Variants in EIF3J observed in about 807,000 individuals in gnomAD.
EIF3J encodes the protein eukaryotic translation initiation factor 3, subunit 1 (alpha, 35kD).
A neutral mutation model predicts 39.0 loss-of-function variants in EIF3J; 15 were observed. The observed-to-expected ratio is 0.38, with a 90% confidence interval of 0.26 to 0.59. The LOEUF is 0.59. Among genes scored for constraint, EIF3J ranks in the 20% least tolerant of loss-of-function variants. The pLI, the probability that EIF3J is intolerant of heterozygous loss-of-function variation, is 0.60. For missense variants in EIF3J, 226 were observed against 308.6 expected (o/e 0.73, Z 2.00); for synonymous variants, 98 against 112.9 (o/e 0.87, Z 0.84).
chr15:44,553,113 G>A (rs2082114125), intron 4 of EIF3J, among the ~76,000 whole-genome samples: 1 of 151,498 alleles, frequency 6.6e-6, no homozygotes, highest in Admixed American at 6.6e-5. Context: ...TTGAGCCCAG[G>A]AAGTTGAGGC....
chr15:44,544,703 T>TAAAAAAAAAA (rs34101594), intron 2 of EIF3J, among the ~76,000 whole-genome samples: 1 of 85,430 alleles, frequency 1.2e-5, no homozygotes, highest in African/African-American at 5.0e-5. Context: ...AAACTCCATT[T>TAAAAAAAAAA]AAAAAAAAAA....
intron 2 of EIF3J, among the ~76,000 whole-genome samples, chr15:44,550,466 ATT>A (rs1013969411): frequency 2.1e-5 from 3 of 142,702 alleles, no homozygotes; most frequent in Non-Finnish European, 1.5e-5. Flanking sequence ...TAATTTTTTA[ATT>A]TTTTTTTTTT....
chr15:44,553,733 A>G (rs1390038036), intron 4 of EIF3J, among the ~76,000 whole-genome samples: 1 of 151,916 alleles, frequency 6.6e-6, no homozygotes, highest in Non-Finnish European at 1.5e-5. Context: ...TATGAATAAT[A>G]CTCTAATGTA....
chr15:44,561,386 T>TAATA lies in EIF3J; in HGVS notation c.*239_*242dup. 3.0e-6 allele frequency: 1 copy of TAATA among 333,280 alleles called. No individual in the cohort carries two copies. Among genetic ancestry groups the TAATA allele is most frequent in the Non-Finnish European group, 5.6e-6 (1 of 179,608 alleles). 20.6% of individuals were successfully genotyped at this position (333,280 alleles called of 1,614,324 possible). A position where few individuals can be genotyped will look rare whatever the true frequency, so the allele number is the denominator to read the frequency against. On this transcript the variant is annotated 3_prime_UTR_variant, in exon 8 of 8. Transcript: ENST00000261868. ...TGCTACTAAATCATAGTTCAAAACCTAATAATGTTGTCGTTGTTGCTATCT... is the reference window on the plus strand; with the variant it reads ...TGCTACTAAATCATAGTTCAAAACCTAATAAATAATGTTGTCGTTGTTGCTATCT...
Position 44,555,894 on chromosome 15 carries a change from T to C in EIF3J, c.409+1227T>C, listed in dbSNP as rs577955357. Among the ~76,000 whole-genome samples, 9 of 152,232 alleles carry C rather than the reference T, an allele frequency of 5.9e-5. No homozygotes were observed. In the East Asian group the frequency reaches 1.7e-3, roughly 29 times the overall value. On this transcript the variant is annotated intron_variant, in intron 5 of 7. Transcript: ENST00000261868. The stretch of plus-strand genomic sequence containing the variant: ...TTTTTTTTCTAACAGGGTCTGGCTC[T>C]GTCATCCAGGCTAGAGGACAGTGGC...
chr15:44,550,727 G>T, intron 2 of EIF3J, 149 bp from the exon 3 acceptor site: 1 of 573,770 alleles, frequency 1.7e-6, no homozygotes, highest in East Asian at 2.9e-5. Flanking sequence ...AGCATTATAA[G>T]ATGTCAATTC....
chr15:44,554,437 C>A, intron 4 of EIF3J, 116 bp from the exon 5 acceptor site: 6 of 332,752 alleles, frequency 1.8e-5, no homozygotes, highest in Non-Finnish European at 2.8e-5. Context: ...ACAGTAATTA[C>A]CAGTGTTCAC....
intron 7 of EIF3J, 61 bp from the exon 8 acceptor site, chr15:44,560,957 G>A (rs2082188355): frequency 1.3e-6 from 2 of 1,586,780 alleles, no homozygotes; most frequent in African/African-American, 1.3e-5. Flanking sequence ...GAGGGTTGCT[G>A]TACCAGATAA....
chr15:44,545,505 A>T (rs2082046132), intron 2 of EIF3J, among the ~76,000 whole-genome samples: 1 of 152,242 alleles, frequency 6.6e-6, no homozygotes, highest in African/African-American at 2.4e-5. Context: ...ATGCTTTTTA[A>T]AAAAGTAAAT....
chr15:44,538,000 A>G (rs1279430406), intron 2 of EIF3J, among the ~76,000 whole-genome samples: 1 of 152,186 alleles, frequency 6.6e-6, no homozygotes. Context: ...CCCTGTGGTA[A>G]AAAGAATGAA....
chr15:44,557,084 G>A (rs1216060403), intron 5 of EIF3J, among the ~76,000 whole-genome samples: 1 of 152,020 alleles, frequency 6.6e-6, no homozygotes. Flanking sequence ...CTTCCTTATC[G>A]ATGCATTAAA....
At position 44,560,999 on chromosome 15, in the gene EIF3J, A is replaced by G. The variant is rs1436472497; in HGVS notation, c.646-19A>G. The G allele has an allele frequency of 2.5e-6, 4 of 1,611,812 alleles. No individual in the cohort carries two copies. The highest frequency in any genetic ancestry group is 3.4e-6 in the Non-Finnish European group (4 of 1,179,392). The stretch of plus-strand genomic sequence containing the variant: ...CATAGCACACTAAGGTTCATGAATT[A>G]ACTCTCTTTCATCTTTAGCAAAGCA... On this transcript the variant is annotated intron_variant, in intron 7 of 7. Coordinates refer to ENST00000261868, the MANE Select transcript of EIF3J (RefSeq NM_003758.4).
chr15:44,557,636 A>G lies in EIF3J; in HGVS notation c.557A>G (p.Asp186Gly), dbSNP rs2082156544. 2 of 1,501,298 alleles carry G rather than the reference A, an allele frequency of 1.3e-6. No individual in the cohort carries two copies. Among genetic ancestry groups the G allele is most frequent in the Non-Finnish European group, 1.8e-6 (2 of 1,122,608 alleles). The allele number at this position is 1,501,298 out of a possible 1,614,324, so 93.0% of individuals were successfully genotyped here. A position where few individuals can be genotyped will look rare whatever the true frequency, so the allele number is the denominator to read the frequency against. Residue 186 changes from aspartate (D) to glycine (G), a missense_variant, in exon 6 of 8, where the codon GAT (aspartate) becomes GGT (glycine). Transcript: ENST00000261868. The stretch of plus-strand genomic sequence containing the variant: ...AGTTTTTTGGAAGTCTTAGTTCGAG[A>G]TGTGTGTATTTCATGTAAGTAATTC... Reference protein sequence around the residue: ...YASFLEVLVRDVCISLEIDDL... With the variant: ...YASFLEVLVRGVCISLEIDDL...
chr15:44,556,575 C>T lies in EIF3J; in HGVS notation c.410-914C>T, dbSNP rs567337931. On this transcript the variant is annotated intron_variant, in intron 5 of 7. Transcript: ENST00000261868. The stretch of plus-strand genomic sequence containing the variant: ...AGGCTGGAGTGCAGTGGTGCAGTCT[C>T]GGCTCATTGTAACCTCCGCCTCCTG... 1.2e-3 allele frequency among the ~76,000 whole-genome samples: 175 copies of T among 152,110 alleles called. 1 individual carries two copies. Among genetic ancestry groups the T allele is most frequent in the African/African-American group, 4.0e-3 (166 of 41,510 alleles).
At chr15:44,541,041 A>T (rs1437780283) in intron 2 of EIF3J, among the ~76,000 whole-genome samples, 1 of 152,194 alleles carries the variant, frequency 6.6e-6, no homozygotes, top group African/African-American at 2.4e-5. Context: ...ACAACCGTTA[A>T]TATATATGGC....
chr15:44,541,841 A>T (rs2082016990), intron 2 of EIF3J, among the ~76,000 whole-genome samples: 1 of 152,170 alleles, frequency 6.6e-6, no homozygotes, highest in South Asian at 2.1e-4. Context: ...CTGTATCCCC[A>T]CTTTCCTCCT....
intron 2 of EIF3J, 92 bp from the exon 3 acceptor site, chr15:44,550,784 C>T: frequency 1.1e-6 from 1 of 901,772 alleles, no homozygotes. Context: ...AAAATACCAA[C>T]AAACATTTCT....
At chr15:44,558,869 C>T (rs899252318) in intron 6 of EIF3J, 1 of 152,154 alleles carries the variant, frequency 6.6e-6, no homozygotes, top group African/African-American at 2.4e-5. Flanking sequence ...TTTTATTCTG[C>T]ATGTACTAAT....
chr15:44,554,236 A>G (rs1429895713), intron 4 of EIF3J, among the ~76,000 whole-genome samples: 1 of 151,826 alleles, frequency 6.6e-6, no homozygotes, highest in Non-Finnish European at 1.5e-5. Context: ...AATTAGCTGG[A>G]TGTGGTGGTG....
Sources: allele counts gnomAD v4.1 joint callset (sites outside exome capture counted in the v4.1 genomes callset), GRCh38; gene constraint gnomAD v4.1.1; transcripts MANE v1.5; gene names NCBI Gene and HGNC (gene_info 2026-07-23, HGNC 2026-07-21).